CNTN4: variants seen among roughly 807,000 people sequenced by gnomAD.
CNTN4 encodes contactin 4, also known as contactin-4.
A neutral mutation model predicts 122.5 loss-of-function variants in CNTN4; 77 were observed. The observed-to-expected ratio is 0.63, with a 90% CI of 0.52 to 0.76. The LOEUF is 0.76. Ranked by LOEUF, CNTN4 falls within the 30% of genes least tolerant of loss-of-function variation. CNTN4 has a pLI of 0.00. For missense variants in CNTN4, 1,256 were observed against 1,259.1 expected (o/e 1.00, Z 0.04); for synonymous variants, 512 against 447.0 (o/e 1.15, Z -1.83).
rs140581458 is a variant in CNTN4 at position 2,382,521 on chromosome 3, T to A, written c.-89+43288T>A. 2.0e-3 allele frequency among the ~76,000 whole-genome samples: 301 copies of A among 152,298 alleles called. 1 individual carries two copies. The highest frequency in any genetic ancestry group is 6.1e-3 in the African/African-American group (252 of 41,572). On this transcript the variant is annotated intron_variant, in intron 3 of 24. Coordinates refer to ENST00000418658, the MANE Select transcript of CNTN4 (RefSeq NM_175607.3). ...GGAGGCATTTTTTAGCCTAAATCTG[T>A]AATCAGTTAAACAGGAACACTTTCT...
At chr3:2,848,877 T>C (rs2093499768) in intron 7 of CNTN4, among the ~76,000 whole-genome samples, 1 of 152,084 alleles carries the variant, frequency 6.6e-6, no homozygotes. Context: ...CCAGACGACA[T>C]AGGTCTATTC....
chr3:2,294,691 A>T (rs145547570), intron 2 of CNTN4, among the ~76,000 whole-genome samples: 13,900 of 152,050 alleles, frequency 0.091, 718 homozygotes, highest in Non-Finnish European at 0.12. Flanking sequence ...TTAATTATTA[A>T]TATACTTTAA....
chr3:2,692,696 C>G (rs566414017), intron 4 of CNTN4, among the ~76,000 whole-genome samples: 6 of 152,148 alleles, frequency 3.9e-5, no homozygotes, highest in Non-Finnish European at 5.9e-5. Context: ...CTTGTGGTGA[C>G]TCTGTCAAGA....
chr3:2,201,843 CAGTG>C (rs1330915813), intron 2 of CNTN4, among the ~76,000 whole-genome samples: 1 of 152,130 alleles, frequency 6.6e-6, no homozygotes, highest in African/African-American at 2.4e-5. Context: ...ATCAGATAGA[CAGTG>C]AGCCATTTAT....
At chr3:2,750,425 A>T (rs1015202390) in intron 6 of CNTN4, among the ~76,000 whole-genome samples, 1 of 152,214 alleles carries the variant, frequency 6.6e-6, no homozygotes, top group Admixed American at 6.5e-5. Flanking sequence ...TTTTAAGTTG[A>T]ATTAATTCAC....
At chr3:2,442,552 A>G (rs965546421) in intron 3 of CNTN4, among the ~76,000 whole-genome samples, 1 of 151,942 alleles carries the variant, frequency 6.6e-6, no homozygotes, top group Non-Finnish European at 1.5e-5. Context: ...ATATTGAACT[A>G]TTGTAATCTT....
intron 2 of CNTN4, among the ~76,000 whole-genome samples, chr3:2,170,188 GC>G (rs376671573): frequency 1.7e-3 from 249 of 146,736 alleles, no homozygotes; most frequent in African/African-American, 5.8e-3. Context: ...GGGCGTGGTG[GC>G]GGCGCCTGTA....
chr3:2,414,098 A>G (rs934813112), intron 3 of CNTN4, among the ~76,000 whole-genome samples: 19 of 152,176 alleles, frequency 1.2e-4, no homozygotes, highest in African/African-American at 3.6e-4. Flanking sequence ...AGGTAGAGAT[A>G]TGGCTGCAAA....
intron 4 of CNTN4, among the ~76,000 whole-genome samples, chr3:2,587,151 T>C (rs1401766104): frequency 6.6e-6 from 1 of 152,216 alleles, no homozygotes; most frequent in African/African-American, 2.4e-5. Flanking sequence ...TCTTCTGTAC[T>C]TCTTTAAAGG....
chr3:2,534,837 T>TGCTGC (rs1435013675), intron 3 of CNTN4, among the ~76,000 whole-genome samples: 1 of 50,140 alleles, frequency 2.0e-5, no homozygotes, highest in African/African-American at 5.8e-5. Context: ...GCTGCTGCTG[T>TGCTGC]TGCTGTTATT....
At chr3:2,313,877 A>C (rs1252593351) in intron 2 of CNTN4, among the ~76,000 whole-genome samples, 1 of 151,954 alleles carries the variant, frequency 6.6e-6, no homozygotes. Context: ...TGATTCTTAA[A>C]GTTTTTCTGT....
chr3:2,892,232 G>A (rs943376827), intron 10 of CNTN4: 2 of 152,098 alleles, frequency 1.3e-5, no homozygotes, highest in Non-Finnish European at 2.9e-5. Flanking sequence ...GTTCCCAGTG[G>A]GAACATACCA....
Position 2,866,918 on chromosome 3 carries a change from G to A in CNTN4, c.621G>A (p.Gly207=), listed in dbSNP as rs751618459. 6.2e-7 allele frequency: 1 copy of A among 1,613,992 alleles called. No individual in the cohort carries two copies. The change falls in exon 8 of 25, where the codon GGG becomes GGA. Residue 207 remains glycine, a synonymous_variant. Coordinates refer to ENST00000418658, the MANE Select transcript of CNTN4 (RefSeq NM_175607.3). ...TNTVTNHKVL[G]PPTPLILRND... ...CCGTGACAAACCACAAGGTCCTGGG[G>A]CCACCTACACCACTAATATTGAGAA...
intron 3 of CNTN4, among the ~76,000 whole-genome samples, chr3:2,570,260 A>T (rs2079363245): frequency 6.6e-6 from 1 of 151,752 alleles, no homozygotes; most frequent in Non-Finnish European, 1.5e-5. Context: ...TGCAGCCTCG[A>T]ACTCCTGGGT....
intron 2 of CNTN4, among the ~76,000 whole-genome samples, chr3:2,333,617 AC>A (rs2043824600): frequency 6.6e-6 from 1 of 151,386 alleles, no homozygotes; most frequent in African/African-American, 2.4e-5. Flanking sequence ...GTGGTGGGGA[AC>A]CCATTAGTGA....
chr3:2,589,720 G>A (rs189202024), intron 4 of CNTN4, among the ~76,000 whole-genome samples: 4 of 152,286 alleles, frequency 2.6e-5, no homozygotes, highest in Admixed American at 1.3e-4. Context: ...GTTTGACTGC[G>A]GCTAGAGCAC....
chr3:2,336,627 A>T (rs939422886), intron 2 of CNTN4, among the ~76,000 whole-genome samples: 1 of 152,162 alleles, frequency 6.6e-6, no homozygotes, highest in Admixed American at 6.6e-5. Context: ...AGCTCACATA[A>T]TAAGGGTTGT....
chr3:2,103,314 C>G (rs1171901425), intron 2 of CNTN4, among the ~76,000 whole-genome samples: 1 of 151,756 alleles, frequency 6.6e-6, no homozygotes, highest in Non-Finnish European at 1.5e-5. Flanking sequence ...AGGATATAAT[C>G]CAAAACATAC....
At chr3:2,165,418 C>G (rs2036152851) in intron 2 of CNTN4, among the ~76,000 whole-genome samples, 1 of 151,944 alleles carries the variant, frequency 6.6e-6, no homozygotes, top group African/African-American at 2.4e-5. Context: ...TGTTTACATT[C>G]AAGGTATACA....
Sources: allele counts gnomAD v4.1 joint callset (sites outside exome capture counted in the v4.1 genomes callset), GRCh38; gene constraint gnomAD v4.1.1; transcripts MANE v1.5; gene names NCBI Gene and HGNC (gene_info 2026-07-23, HGNC 2026-07-21).